MTMR9: variants seen among roughly 807,000 people sequenced by gnomAD.
The protein encoded by MTMR9 is myotubularin related protein 9.
A neutral mutation model predicts 69.5 loss-of-function variants in MTMR9; 39 were observed. That is an observed-to-expected ratio of 0.56 (90% CI 0.43 to 0.73). The LOEUF (loss-of-function observed/expected upper bound fraction) is 0.73. Among genes scored for constraint, MTMR9 ranks in the 30% least tolerant of loss-of-function variants. MTMR9 has a pLI of 0.00. For synonymous variants in MTMR9, 354 were observed against 240.8 expected (o/e 1.47, Z -4.35); for missense variants, 900 against 671.2 (o/e 1.34, Z -3.77).
chr8:11,286,447 C>T lies in MTMR9; in HGVS notation c.182+1377C>T, dbSNP rs548568854. Among the ~76,000 whole-genome samples the T allele has an allele frequency of 3.0e-3, 451 of 151,558 alleles. 6 individuals carry two copies. Among genetic ancestry groups the T allele is most frequent in the South Asian group, 0.017 (81 of 4,754 alleles). On this transcript the variant is annotated intron_variant, in intron 1 of 9. Coordinates refer to ENST00000221086, the MANE Select transcript of MTMR9 (RefSeq NM_015458.4). The stretch of plus-strand genomic sequence containing the variant: ...TGGGAGGCCAAGGTGAGCGGATCAC[C>T]TGAGGTTAGGAGTTTGAGACCAGCC...
chr8:11,304,745 C>T, intron 3 of MTMR9, 96 bp from the exon 4 acceptor site: 1 of 1,204,594 alleles, frequency 8.3e-7, no homozygotes. Flanking sequence ...GCTTCTTCAT[C>T]AGTGAAAGTT....
At chr8:11,299,759 T>C (rs1292898786) in intron 2 of MTMR9, among the ~76,000 whole-genome samples, 1 of 152,226 alleles carries the variant, frequency 6.6e-6, no homozygotes. Flanking sequence ...CTAGAATTGG[T>C]ATGCACATTT....
the MTMR9 span, among the ~76,000 whole-genome samples, chr8:11,338,588 T>C: frequency 2.0e-5 from 3 of 152,224 alleles, no homozygotes; most frequent in Non-Finnish European, 4.4e-5. Context: ...CACAGCGATC[T>C]GTGGTAATGG....
At chr8:11,309,487 T>C in intron 5 of MTMR9, 40 bp from the exon 6 acceptor site, 1 of 1,550,708 alleles carries the variant, frequency 6.4e-7, no homozygotes, top group Non-Finnish European at 8.8e-7. Flanking sequence ...ATCTTTCTAT[T>C]TTCTGGGTTT....
chr8:11,297,149 CA>C (rs1799590303), intron 2 of MTMR9, among the ~76,000 whole-genome samples: 1 of 151,804 alleles, frequency 6.6e-6, no homozygotes, highest in Admixed American at 6.6e-5. Flanking sequence ...ACTTTGTGTC[CA>C]AAAAATGCTA....
intron 3 of MTMR9, among the ~76,000 whole-genome samples, chr8:11,304,539 G>T (rs1231547298): frequency 6.6e-5 from 10 of 152,146 alleles, no homozygotes; most frequent in Non-Finnish European, 1.5e-5. Context: ...GAACTTGTAC[G>T]GTGTTGTCTG....
At chr8:11,289,145 C>T (rs1340857485) in intron 1 of MTMR9, among the ~76,000 whole-genome samples, 3 of 152,310 alleles carry the variant, frequency 2.0e-5, no homozygotes, top group South Asian at 2.1e-4. Context: ...GAACTCCACC[C>T]TGGGGTGACA....
chr8:11,314,727 C>T (rs534931539), intron 6 of MTMR9, among the ~76,000 whole-genome samples, 196 bp from the exon 7 acceptor site: 1 of 152,176 alleles, frequency 6.6e-6, no homozygotes, highest in African/African-American at 2.4e-5. Context: ...CCAAGAGAAT[C>T]TTATCTATCG....
intron 6 of MTMR9, 58 bp downstream of exon 6, chr8:11,309,746 T>G (rs1281292940): frequency 6.4e-7 from 1 of 1,572,526 alleles, no homozygotes; most frequent in Non-Finnish European, 8.7e-7. Context: ...AGACTTTGTG[T>G]TTATCCAGAC....
downstream of MTMR9, chr8:11,331,233 G>T (rs1801209290): frequency 6.2e-7 from 1 of 1,613,810 alleles, no homozygotes; most frequent in African/African-American, 1.3e-5. Context: ...CCTGCTGGTG[G>T]CCCTGCTGGG....
chr8:11,312,986 C>T (rs181360332), intron 6 of MTMR9, among the ~76,000 whole-genome samples: 1 of 152,310 alleles, frequency 6.6e-6, no homozygotes, highest in East Asian at 1.9e-4. Flanking sequence ...TTAAACTATT[C>T]AGTAAACTAT....
At chr8:11,316,645 G>C in intron 7 of MTMR9, 28 bp from the exon 8 acceptor site, 2 of 1,504,860 alleles carry the variant, frequency 1.3e-6, no homozygotes, top group Non-Finnish European at 1.8e-6. Flanking sequence ...ACCAGGATAT[G>C]ACTGTCACGC....
chr8:11,316,682 C>T lies in MTMR9; in HGVS notation c.1123C>T (p.Pro375Ser). 1 of 1,601,368 alleles carries T rather than the reference C, an allele frequency of 6.2e-7. No homozygotes were observed. Among genetic ancestry groups the T allele is most frequent in the Non-Finnish European group, 8.5e-7 (1 of 1,174,534 alleles). Residue 375 changes from proline (P) to serine (S), a missense_variant, in exon 8 of 10, where the codon CCA (proline) becomes TCA (serine). Pro to Ser is a moderately conservative substitution (Grantham distance 74). Transcript: ENST00000221086. Reference sequence around the variant, plus strand: ...TCCATCTTCCCCCTAGGCTGGTCACCCATTCCAGCAGCGCTGTGCACAGTC... The same window carrying T: ...TCCATCTTCCCCCTAGGCTGGTCACTCATTCCAGCAGCGCTGTGCACAGTC... The part of the protein sequence containing the change: ...IEREWLQAGH[P>S]FQQRCAQSAY...
Position 11,316,905 on chromosome 8 carries a change from G to T in MTMR9, c.1334+12G>T. ...AATGAAAGTGAAAGGTGAGTACACT[G>T]CTCACATGGGGACCTTTCCTTTTCC... On this transcript the variant is annotated intron_variant, in intron 8 of 9. Transcript: ENST00000221086. 1 of 1,542,984 alleles carries T rather than the reference G, an allele frequency of 6.5e-7. No homozygotes were observed. The highest frequency in any genetic ancestry group is 8.8e-7 in the Non-Finnish European group (1 of 1,137,942).
At chr8:11,298,890 T>C (rs571869888) in intron 2 of MTMR9, 2 of 984,818 alleles carry the variant, frequency 2.0e-6, no homozygotes, top group South Asian at 4.7e-5. Flanking sequence ...ATAGGCCCAT[T>C]TGGGGCTGAT....
At chr8:11,287,833 CAT>C (rs1327194442) in intron 1 of MTMR9, among the ~76,000 whole-genome samples, 13 of 116,116 alleles carry the variant, frequency 1.1e-4, no homozygotes, top group Admixed American at 2.0e-4. Context: ...TAATATATAA[CAT>C]TATATATTTT....
chr8:11,337,465 C>G, the MTMR9 span, among the ~76,000 whole-genome samples: 1 of 152,218 alleles, frequency 6.6e-6, no homozygotes, highest in Non-Finnish European at 1.5e-5. Context: ...GGTTTTTCCT[C>G]TACCCTCTGC....
intron 5 of MTMR9, among the ~76,000 whole-genome samples, chr8:11,308,655 C>G (rs898856468): frequency 2.0e-5 from 3 of 152,188 alleles, no homozygotes; most frequent in Admixed American, 6.5e-5. Context: ...ACAGTAGTCT[C>G]TTATGATCCC....
chr8:11,304,734 G>A, intron 3 of MTMR9, 107 bp from the exon 4 acceptor site: 1 of 1,087,712 alleles, frequency 9.2e-7, no homozygotes, highest in Non-Finnish European at 1.3e-6. Context: ...CCTGAGAAAT[G>A]GCTTCTTCAT....
Sources: allele counts gnomAD v4.1 joint callset (sites outside exome capture counted in the v4.1 genomes callset), GRCh38; gene constraint gnomAD v4.1.1; transcripts MANE v1.5; gene names NCBI Gene and HGNC (gene_info 2026-07-23, HGNC 2026-07-21).